The following GRIN2A variants were observed in gnomAD, a reference collection of about 807,000 sequenced individuals.
GRIN2A encodes glutamate receptor ionotropic, NMDA 2A.
In GRIN2A, 22 loss-of-function variants were observed where a neutral mutation model predicts 113.4. The observed-to-expected ratio is 0.19, with a 90% CI of 0.14 to 0.28. The LOEUF (loss-of-function observed/expected upper bound fraction) is 0.28, where lower values mean the gene tolerates loss of function less well. Among genes scored for constraint, GRIN2A ranks in the 10% least tolerant of loss-of-function variants. The pLI, the probability that GRIN2A is intolerant of heterozygous loss-of-function variation, is 1.00. For missense variants in GRIN2A, 1,502 were observed against 1,887.0 expected, an observed-to-expected ratio of 0.80 and a Z score of 3.78; for synonymous variants, 827 against 738.4, an observed-to-expected ratio of 1.12 and a Z score of -1.94.
chr16:9,788,996 C>G (rs529415271), intron 11 of GRIN2A, among the ~76,000 whole-genome samples: 2 of 152,262 alleles, frequency 1.3e-5, no homozygotes, highest in South Asian at 4.1e-4. Context: ...CCCTCCTCGG[C>G]CTCTCAAAGT....
rs771127161 is a variant in GRIN2A at position 10,180,261 on chromosome 16, G to C, written c.151C>G (p.Leu51Val). 6.2e-7 allele frequency: 1 copy of C among 1,613,864 alleles called. No individual in the cohort carries two copies. Among genetic ancestry groups the C allele is most frequent in the South Asian group, 1.1e-5 (1 of 91,082 alleles). Residue 51 changes from leucine (L) to valine (V), a missense_variant, in exon 2 of 13, where the codon CTT becomes GTT. Leu to Val is a conservative substitution (Grantham distance 32, BLOSUM62 1). Coordinates refer to ENST00000330684, the MANE Select transcript of GRIN2A (RefSeq NM_001134407.3). The surrounding 1 kb of genome is among the most constrained non-coding windows in gnomAD (Gnocchi z 7.0). ...TGCTCGGGGCCCCACAGTGTTCGAAGTTCGCGCTCTGTCACGTCGTGGCTG... is the reference window on the plus strand; with the variant it reads ...TGCTCGGGGCCCCACAGTGTTCGAACTTCGCGCTCTGTCACGTCGTGGCTG... Reference protein sequence around the residue: ...GHSHDVTERELRTLWGPEQAA... With the variant: ...GHSHDVTEREVRTLWGPEQAA...
At position 9,985,921 on chromosome 16, in the gene GRIN2A, T is replaced by C. The variant is rs549145516; in HGVS notation, c.415-47370A>G. On this transcript the variant is annotated intron_variant, in intron 2 of 12. Transcript: ENST00000330684. ...CTACTCTGATGTGACTATCATGCATTGTATGCTTGTATCGAAGTATCTCAT... is the reference window on the plus strand; with the variant it reads ...CTACTCTGATGTGACTATCATGCATCGTATGCTTGTATCGAAGTATCTCAT... Among the ~76,000 whole-genome samples, 6 of 152,322 alleles carry C rather than the reference T, an allele frequency of 3.9e-5. No individual in the cohort carries two copies. In the South Asian group the frequency reaches 6.2e-4, roughly 16 times the overall value.
At chr16:10,116,887 A>G (rs13336306) in intron 2 of GRIN2A, among the ~76,000 whole-genome samples, 9,762 of 152,110 alleles carry the variant, frequency 0.064, 632 homozygotes, top group African/African-American at 0.16. Flanking sequence ...GCCAAACACA[A>G]TCGTATGGCC....
chr16:10,142,673 T>C (rs533442503), intron 2 of GRIN2A, among the ~76,000 whole-genome samples: 2 of 152,200 alleles, frequency 1.3e-5, no homozygotes. Context: ...TACTCTAGTA[T>C]GGGCAATAGA....
intron 3 of GRIN2A, among the ~76,000 whole-genome samples, chr16:9,916,013 C>T (rs2044242235): frequency 6.6e-6 from 1 of 152,166 alleles, no homozygotes; most frequent in Non-Finnish European, 1.5e-5. Flanking sequence ...AGTGCTGCAA[C>T]AATTTCTCAT....
intron 2 of GRIN2A, among the ~76,000 whole-genome samples, chr16:10,128,137 T>A (rs985678483): frequency 6.6e-6 from 1 of 152,182 alleles, no homozygotes; most frequent in Non-Finnish European, 1.5e-5. Flanking sequence ...GGTGGCACTG[T>A]CCATGATTCC....
At chr16:10,117,416 T>C (rs1414775461) in intron 2 of GRIN2A, among the ~76,000 whole-genome samples, 4 of 152,200 alleles carry the variant, frequency 2.6e-5, no homozygotes, top group Admixed American at 6.5e-5. Context: ...TGTCCATGAG[T>C]TGATAAATGC....
chr16:10,071,843 T>C (rs757630566), intron 2 of GRIN2A, among the ~76,000 whole-genome samples: 1 of 152,220 alleles, frequency 6.6e-6, no homozygotes, highest in Non-Finnish European at 1.5e-5. Flanking sequence ...ATTGTTTATA[T>C]GCATCATCTT....
At chr16:10,108,851 A>G (rs2048550893) in intron 2 of GRIN2A, among the ~76,000 whole-genome samples, 1 of 152,206 alleles carries the variant, frequency 6.6e-6, no homozygotes. Context: ...AATTACACAT[A>G]GACCTGAGGT....
intron 2 of GRIN2A, among the ~76,000 whole-genome samples, chr16:10,055,046 T>TAAAAAAAAAAA (rs1567266287): frequency 1.0e-3 from 13 of 12,482 alleles, no homozygotes; most frequent in Non-Finnish European, 1.6e-3. Context: ...AGACTCTATC[T>TAAAAAAAAAAA]CAAAAAAAAA....
At chr16:9,931,720 GA>G (rs1284757710) in intron 3 of GRIN2A, among the ~76,000 whole-genome samples, 1 of 152,120 alleles carries the variant, frequency 6.6e-6, no homozygotes, top group Non-Finnish European at 1.5e-5. Flanking sequence ...TGTGGAATAA[GA>G]AACACATATA....
chr16:9,818,098 T>C (rs1480607432), intron 10 of GRIN2A, among the ~76,000 whole-genome samples: 1 of 151,948 alleles, frequency 6.6e-6, no homozygotes, highest in African/African-American at 2.4e-5. Flanking sequence ...AGCAATATAT[T>C]TCATAATGAA....
intron 2 of GRIN2A, among the ~76,000 whole-genome samples, chr16:10,175,806 TG>T (rs762690622): frequency 1.9e-4 from 29 of 151,880 alleles, no homozygotes; most frequent in Non-Finnish European, 2.8e-4. Flanking sequence ...GGAGAAGTGA[TG>T]GGGGGTGAGA....
intron 2 of GRIN2A, among the ~76,000 whole-genome samples, chr16:10,092,356 A>T (rs1350698838): frequency 6.6e-6 from 1 of 152,222 alleles, no homozygotes; most frequent in African/African-American, 2.4e-5. Flanking sequence ...TTCAGCAGAC[A>T]TGCAATGTTG....
At chr16:9,790,176 TG>T (rs1902520454) in intron 11 of GRIN2A, among the ~76,000 whole-genome samples, 1 of 152,230 alleles carries the variant, frequency 6.6e-6, no homozygotes, top group Non-Finnish European at 1.5e-5. Flanking sequence ...CCAATATGCC[TG>T]GAGATACCCC....
chr16:10,020,782 T>C (rs2141895731), intron 2 of GRIN2A, among the ~76,000 whole-genome samples: 1 of 152,242 alleles, frequency 6.6e-6, no homozygotes, highest in East Asian at 1.9e-4. Flanking sequence ...ATAAAAAGCA[T>C]TATTTTACTA....
chr16:9,890,823 A>G (rs759985172), intron 4 of GRIN2A, among the ~76,000 whole-genome samples, 163 bp downstream of exon 4: 39 of 152,318 alleles, frequency 2.6e-4, no homozygotes, highest in Admixed American at 7.8e-4. Flanking sequence ...ATTGCACCTT[A>G]CAGATTTAGT....
chr16:10,080,988 T>A (rs374118265), intron 2 of GRIN2A, among the ~76,000 whole-genome samples: 1 of 152,182 alleles, frequency 6.6e-6, no homozygotes, highest in Non-Finnish European at 1.5e-5. Flanking sequence ...GAATCCACTG[T>A]TGCTCATACA....
intron 2 of GRIN2A, among the ~76,000 whole-genome samples, chr16:9,981,410 A>G (rs922324915): frequency 1.1e-4 from 17 of 152,252 alleles, no homozygotes; most frequent in African/African-American, 3.9e-4. Flanking sequence ...GGAAATGTCA[A>G]ACATAGAAAA....
Sources: gnomAD v4.1 joint callset for allele counts (sites outside exome capture counted in the v4.1 genomes callset) on GRCh38, gnomAD v4.1.1 for gene constraint, Gnocchi (gnomAD v3.1) non-coding constraint, MANE v1.5 for transcripts, NCBI Gene and HGNC (gene_info 2026-07-23, HGNC 2026-07-21) for gene names.